Variants in NAALADL2 observed in about 807,000 individuals in gnomAD.
The protein encoded by NAALADL2 is inactive N-acetylated-alpha-linked acidic dipeptidase-like protein 2.
A neutral mutation model predicts 87.2 loss-of-function variants in NAALADL2; 76 were observed. The observed-to-expected ratio is 0.87, with a 90% CI of 0.72 to 1.05. The LOEUF is 1.05. Among genes scored for constraint, NAALADL2 ranks in the 50% least tolerant of loss-of-function variants. NAALADL2 has a pLI of 0.00. For synonymous variants in NAALADL2, 354 were observed against 331.0 expected, an observed-to-expected ratio of 1.07 and a Z score of -0.75; for missense variants, 1,089 against 945.8, an observed-to-expected ratio of 1.15 and a Z score of -1.99.
In NAALADL2 at chr3:175,052,387, G is replaced by A. The variant is rs546822974; in HGVS notation, c.44-44403G>A. ...GTTTATGGCCAGATTTTGTGGGGGG[G>A]CCTGTTTCCCAACATGTTCTCCTTC... On this transcript the variant is annotated intron_variant, in intron 1 of 13. Coordinates refer to ENST00000454872, the MANE Select transcript of NAALADL2 (RefSeq NM_207015.3). 1.5e-3 allele frequency among the ~76,000 whole-genome samples: 223 copies of A among 152,272 alleles called. No individual in the cohort carries two copies. The Middle Eastern group carries it at 0.024, about 16-fold the overall frequency.
chr3:175,237,626 G>T (rs1581057268), intron 3 of NAALADL2, among the ~76,000 whole-genome samples: 1 of 151,982 alleles, frequency 6.6e-6, no homozygotes, highest in East Asian at 1.9e-4. Flanking sequence ...AATATATGTG[G>T]TTCTTTCCTC....
At chr3:175,367,041 G>T (rs1284627621) in intron 5 of NAALADL2, among the ~76,000 whole-genome samples, 3 of 151,232 alleles carry the variant, frequency 2.0e-5, no homozygotes, top group African/African-American at 7.3e-5. Context: ...TTTGTATAAG[G>T]TGTAAGGAAG....
intron 5 of NAALADL2, among the ~76,000 whole-genome samples, chr3:175,367,175 T>C (rs931548265): frequency 2.6e-5 from 4 of 151,756 alleles, no homozygotes; most frequent in East Asian, 1.9e-4. Context: ...GTTGTAGATA[T>C]GCGGCGTTAT....
At chr3:174,979,791 C>T (rs918193673) in intron 1 of NAALADL2, among the ~76,000 whole-genome samples, 4 of 152,108 alleles carry the variant, frequency 2.6e-5, no homozygotes, top group South Asian at 2.1e-4. Flanking sequence ...AAATGCTTCT[C>T]TTACTATTAA....
At chr3:175,672,437 A>C (rs1433366755) in intron 11 of NAALADL2, among the ~76,000 whole-genome samples, 3 of 152,182 alleles carry the variant, frequency 2.0e-5, no homozygotes, top group African/African-American at 7.2e-5. Flanking sequence ...TTACGTGAAA[A>C]TACCACTGAT....
rs889216801 is a variant in NAALADL2 at position 175,362,412 on chromosome 3, G to T, written c.1090+38087G>T. Reference sequence around the variant, plus strand: ...TTTCCATTCTGTGAAGAAAGTCATTGGTAGCTTGGTGGGGATGGCATTGAA... The same window carrying T: ...TTTCCATTCTGTGAAGAAAGTCATTTGTAGCTTGGTGGGGATGGCATTGAA... On this transcript the variant is annotated intron_variant, in intron 5 of 13. Coordinates refer to ENST00000454872, the MANE Select transcript of NAALADL2 (RefSeq NM_207015.3). Among the ~76,000 whole-genome samples, 3 of 147,970 alleles carry T rather than the reference G, an allele frequency of 2.0e-5. 1 individual carries two copies. Among genetic ancestry groups the T allele is most frequent in the African/African-American group, 7.4e-5 (3 of 40,626 alleles).
At chr3:174,802,834 G>T (rs921553920) in intron 3 of NAALADL2, among the ~76,000 whole-genome samples, 1 of 151,978 alleles carries the variant, frequency 6.6e-6, no homozygotes, top group Non-Finnish European at 1.5e-5. Flanking sequence ...ATGCCTGTAT[G>T]GTATTCCATG....
intron 2 of NAALADL2, among the ~76,000 whole-genome samples, chr3:174,698,870 G>GAAA (rs1008476334): frequency 1.2e-5 from 1 of 83,032 alleles, no homozygotes; most frequent in Admixed American, 1.4e-4. Context: ...TCTCAAAGAA[G>GAAA]AAAAAAAAAA....
chr3:174,706,252 T>G (rs1340540494), intron 2 of NAALADL2, among the ~76,000 whole-genome samples: 1 of 152,200 alleles, frequency 6.6e-6, no homozygotes, highest in Non-Finnish European at 1.5e-5. Context: ...AATATCCATG[T>G]GCAGAAGAAT....
chr3:175,043,027 T>C (rs1426615292), intron 1 of NAALADL2, among the ~76,000 whole-genome samples: 1 of 152,138 alleles, frequency 6.6e-6, no homozygotes, highest in Non-Finnish European at 1.5e-5. Flanking sequence ...CCTTATGCCA[T>C]GAGTGGAAGC....
intron 3 of NAALADL2, among the ~76,000 whole-genome samples, chr3:174,818,662 C>G (rs1721059334): frequency 6.6e-6 from 1 of 152,136 alleles, no homozygotes; most frequent in Non-Finnish European, 1.5e-5. Context: ...CTGGTGAGAT[C>G]TTGCACAAAA....
chr3:175,006,648 G>GAAA (rs146490304), intron 1 of NAALADL2, among the ~76,000 whole-genome samples: 1 of 148,360 alleles, frequency 6.7e-6, no homozygotes, highest in African/African-American at 2.5e-5. Context: ...GAGGAAAGCA[G>GAAA]AAAAAAAAAA....
chr3:175,057,005 G>C (rs1712346443), intron 1 of NAALADL2, among the ~76,000 whole-genome samples: 1 of 152,172 alleles, frequency 6.6e-6, no homozygotes, highest in Non-Finnish European at 1.5e-5. Flanking sequence ...AGATTTGGGA[G>C]GCCTGTTCCC....
chr3:175,749,625 A>G (rs913076497), intron 12 of NAALADL2, among the ~76,000 whole-genome samples: 1 of 152,196 alleles, frequency 6.6e-6, no homozygotes, highest in African/African-American at 2.4e-5. Flanking sequence ...CAGAGCCCCC[A>G]AGGCCTAATG....
chr3:174,648,998 C>T (rs1461483115), intron 2 of NAALADL2, among the ~76,000 whole-genome samples: 1 of 151,932 alleles, frequency 6.6e-6, no homozygotes, highest in African/African-American at 2.4e-5. Flanking sequence ...GTTGGAATTT[C>T]ACTCTTATCG....
upstream of NAALADL2, among the ~76,000 whole-genome samples, chr3:174,857,353 C>A (rs906160210): frequency 6.6e-6 from 1 of 152,106 alleles, no homozygotes; most frequent in Non-Finnish European, 1.5e-5. Flanking sequence ...TGTGAACTTA[C>A]GAACTTAAGA....
intron 5 of NAALADL2, among the ~76,000 whole-genome samples, chr3:175,413,431 C>T (rs1317652502): frequency 2.0e-5 from 3 of 151,040 alleles, no homozygotes; most frequent in South Asian, 2.1e-4. Flanking sequence ...ATTGGCCGGG[C>T]ATGGTAGCGT....
At chr3:174,718,020 T>C (rs900031486) in intron 2 of NAALADL2, among the ~76,000 whole-genome samples, 1 of 151,980 alleles carries the variant, frequency 6.6e-6, no homozygotes, top group East Asian at 1.9e-4. Context: ...TCCCAGCTAC[T>C]TGGGAGGCTG....
At chr3:174,475,361 A>C (rs188496615) in intron 1 of NAALADL2, among the ~76,000 whole-genome samples, 1 of 151,980 alleles carries the variant, frequency 6.6e-6, no homozygotes, top group Non-Finnish European at 1.5e-5. Flanking sequence ...CATCATACTT[A>C]GAATACATTT....
Sources: gnomAD v4.1 joint callset for allele counts (sites outside exome capture counted in the v4.1 genomes callset) on GRCh38, gnomAD v4.1.1 for gene constraint, MANE v1.5 for transcripts, NCBI Gene and HGNC (gene_info 2026-07-23, HGNC 2026-07-21) for gene names.